SCN7A: variants seen among roughly 807,000 people sequenced by gnomAD.
SCN7A encodes sodium voltage-gated channel alpha subunit 7.
A neutral mutation model predicts 155.2 loss-of-function variants in SCN7A; 138 were observed. The ratio of observed to expected loss-of-function variants is 0.89; its 90% CI spans 0.77 to 1.02. The LOEUF (loss-of-function observed/expected upper bound fraction) is 1.02. SCN7A is among the 50% of genes least tolerant of loss of function. SCN7A has a pLI of 0.00. For synonymous variants in SCN7A, 693 were observed against 649.0 expected (o/e 1.07, Z -1.03); for missense variants, 2,058 against 1,986.6 (o/e 1.04, Z -0.68).
In SCN7A at chr2:166,465,991, G is replaced by A. The variant is rs777987127; in HGVS notation, c.665-4C>T. 7 of 1,599,840 alleles carry A rather than the reference G, an allele frequency of 4.4e-6. No individual in the cohort carries two copies. Among genetic ancestry groups the A allele is most frequent in the South Asian group, 1.1e-5 (1 of 89,728 alleles). Reference sequence around the variant, plus strand: ...ACCCCTACAAGGGATTTCAGACCTGGAAAGAGAAACATTTGTTTTCGAAAT... The same window carrying A: ...ACCCCTACAAGGGATTTCAGACCTGAAAAGAGAAACATTTGTTTTCGAAAT... On this transcript the variant is annotated splice_polypyrimidine_tract_variant and splice_region_variant and intron_variant, in intron 7 of 25. Transcript: ENST00000643258.
At chr2:166,454,622 C>A (rs978974301) in intron 11 of SCN7A, among the ~76,000 whole-genome samples, 8 of 152,164 alleles carry the variant, frequency 5.3e-5, no homozygotes, top group African/African-American at 1.9e-4. Flanking sequence ...CGGCCCTTCA[C>A]TTTTCCCCTT....
intron 18 of SCN7A, among the ~76,000 whole-genome samples, chr2:166,426,811 A>G (rs1032537327): frequency 2.6e-5 from 4 of 152,050 alleles, no homozygotes; most frequent in Admixed American, 2.6e-4. Context: ...TGTGAAAATC[A>G]TTCCTGCTGC....
intron 15 of SCN7A, among the ~76,000 whole-genome samples, chr2:166,434,285 A>C (rs1701793736): frequency 1.3e-5 from 2 of 152,146 alleles, no homozygotes; most frequent in South Asian, 4.1e-4. Flanking sequence ...TGTATAGAAA[A>C]ATCAAAGTAT....
In SCN7A at chr2:166,414,230, ATATC is replaced by A. The variant is rs1460270080; in HGVS notation, c.3415-1113_3415-1110del. Among the ~76,000 whole-genome samples, 8 of 95,750 alleles carry A rather than the reference ATATC, an allele frequency of 8.4e-5. 1 individual carries two copies. The East Asian group carries it at 1.7e-3, about 21-fold the overall frequency. 62.8% of individuals were successfully genotyped at this position (95,750 alleles called of 152,430 possible). A position where few individuals can be genotyped will look rare whatever the true frequency, so the allele number is the denominator to read the frequency against. On this transcript the variant is annotated intron_variant, in intron 21 of 25. Coordinates refer to ENST00000643258, the MANE Select transcript of SCN7A (RefSeq NM_002976.4). ...TATATGTAAATATATATAAATATATATATCTATATATGTAAATATATATAGATAT... is the reference window on the plus strand; with the variant it reads ...TATATGTAAATATATATAAATATATATATATATGTAAATATATATAGATAT...
intron 3 of SCN7A, among the ~76,000 whole-genome samples, chr2:166,477,173 T>C (rs1377045225): frequency 1.3e-5 from 2 of 151,926 alleles, no homozygotes; most frequent in Non-Finnish European, 2.9e-5. Flanking sequence ...AAATGGACAA[T>C]CATCATGTTC....
intron 10 of SCN7A, among the ~76,000 whole-genome samples, chr2:166,457,291 G>T (rs2105466800): frequency 6.6e-6 from 1 of 152,304 alleles, no homozygotes; most frequent in South Asian, 2.1e-4. Flanking sequence ...AATATATGCT[G>T]TAAAACCAAG....
At position 166,465,854 on chromosome 2, in the gene SCN7A, T is replaced by C; in HGVS notation, c.798A>G (p.Lys266=). Residue 266 remains lysine, a synonymous_variant, in exon 8 of 26, where the codon AAA becomes AAG. Transcript: ENST00000643258. The part of the protein sequence containing the change: ...MGLFMGNLKH[K]CFRWPQENEN... ...CATTCTCTTGGGGCCATCGAAAACATTTATGTTTCAAGTTGCCCATGAAGA... is the reference window on the plus strand; with the variant it reads ...CATTCTCTTGGGGCCATCGAAAACACTTATGTTTCAAGTTGCCCATGAAGA... 1 of 1,613,916 alleles carries C rather than the reference T, an allele frequency of 6.2e-7. No homozygotes were observed. Among genetic ancestry groups the C allele is most frequent in the Non-Finnish European group, 8.5e-7 (1 of 1,179,864 alleles).
At chr2:166,461,695 G>A (rs907834858) in intron 10 of SCN7A, 7 of 151,994 alleles carry the variant, frequency 4.6e-5, no homozygotes, top group Non-Finnish European at 8.8e-5. Context: ...AATATCATAG[G>A]CTTTGAAACA....
chr2:166,472,243 A>G, intron 6 of SCN7A, 74 bp downstream of exon 6: 1 of 1,416,512 alleles, frequency 7.1e-7, no homozygotes, highest in Non-Finnish European at 9.4e-7. Flanking sequence ...ATCTTTGCAG[A>G]CGTCAATTAT....
chr2:166,473,861 A>C lies in SCN7A; in HGVS notation c.381T>G (p.Ser127Arg). ...HPFFQLFILI[S>R]VLIDCVFMSL... Reference sequence around the variant, plus strand: ...ACATGAATACGCAATCAATCAGGACACTAATTAGAATAAACAGTTGGAAAA... The same window carrying C: ...ACATGAATACGCAATCAATCAGGACCCTAATTAGAATAAACAGTTGGAAAA... Residue 127 changes from serine (S) to arginine (R), a missense_variant, in exon 5 of 26, where the codon AGT becomes AGG. Transcript: ENST00000643258. The C allele has an allele frequency of 6.4e-7, 1 of 1,567,770 alleles. No homozygotes were observed. Among genetic ancestry groups the C allele is most frequent in the African/African-American group, 1.4e-5 (1 of 73,766 alleles).
chr2:166,430,907 A>G (rs963031489), intron 16 of SCN7A, among the ~76,000 whole-genome samples: 1 of 152,058 alleles, frequency 6.6e-6, no homozygotes, highest in African/African-American at 2.4e-5. Flanking sequence ...TAATCTAGAA[A>G]GCATCTAACT....
intron 25 of SCN7A, among the ~76,000 whole-genome samples, chr2:166,407,725 A>G (rs772903003): frequency 2.2e-4 from 33 of 151,672 alleles, no homozygotes; most frequent in Non-Finnish European, 2.5e-4. Flanking sequence ...TTTGGGGGGA[A>G]GTTCTTTTTT....
At chr2:166,473,681 AATTT>A (rs1265190621) in intron 5 of SCN7A, 114 bp downstream of exon 5, 4 of 255,440 alleles carry the variant, frequency 1.6e-5, no homozygotes, top group South Asian at 3.1e-4. Context: ...ACAAATATTA[AATTT>A]ATTATAATAT....
chr2:166,419,056 T>A (rs1174702214), intron 20 of SCN7A, among the ~76,000 whole-genome samples: 2 of 152,132 alleles, frequency 1.3e-5, no homozygotes, highest in African/African-American at 2.4e-5. Context: ...AGGGCCTAAT[T>A]TCTGACAGAG....
chr2:166,471,216 T>C (rs1480080556), intron 6 of SCN7A, among the ~76,000 whole-genome samples: 3 of 151,882 alleles, frequency 2.0e-5, no homozygotes, highest in African/African-American at 2.4e-5. Flanking sequence ...AGACTGCTTG[T>C]GTAGAAATCC....
intron 12 of SCN7A, among the ~76,000 whole-genome samples, chr2:166,447,273 T>C (rs1702084516): frequency 6.6e-6 from 1 of 152,206 alleles, no homozygotes; most frequent in African/African-American, 2.4e-5. Flanking sequence ...TGATAAATAA[T>C]TATTGGTTAC....
chr2:166,470,776 G>T lies in SCN7A; in HGVS notation c.573-70C>A. The T allele has an allele frequency of 2.2e-6, 3 of 1,366,638 alleles. No individual in the cohort carries two copies. The South Asian group carries it at 4.5e-5, about 20-fold the overall frequency. 84.7% of individuals were successfully genotyped at this position (1,366,638 alleles called of 1,614,324 possible). A position where few individuals can be genotyped will look rare whatever the true frequency, so the allele number is the denominator to read the frequency against. On this transcript the variant is annotated intron_variant, in intron 6 of 25. Coordinates refer to ENST00000643258, the MANE Select transcript of SCN7A (RefSeq NM_002976.4). Reference sequence around the variant, plus strand: ...TGCTACTTATTCTTGGCTTTTTATGGTTATTGAAACTTATTTTTAAAACCA... The same window carrying T: ...TGCTACTTATTCTTGGCTTTTTATGTTTATTGAAACTTATTTTTAAAACCA...
At chr2:166,428,091 A>C in intron 17 of SCN7A, 149 bp from the exon 18 acceptor site, 1 of 850,552 alleles carries the variant, frequency 1.2e-6, no homozygotes, top group Non-Finnish European at 1.8e-6. Context: ...ATTTTTACCC[A>C]TGGTGTAGTG....
In SCN7A at chr2:166,432,370, T is replaced by G; in HGVS notation, c.2540A>C (p.Asn847Thr). The G allele has an allele frequency of 6.2e-7, 1 of 1,612,784 alleles. No homozygotes were observed. Among genetic ancestry groups the G allele is most frequent in the Non-Finnish European group, 8.5e-7 (1 of 1,179,402 alleles). The change falls in exon 16 of 26, where the codon AAT becomes ACT. Residue 847 changes from asparagine to threonine, a missense_variant. By Grantham distance (65) the Asn-to-Thr change is moderately conservative. Transcript: ENST00000643258. ...ACTCTGAATCTCCTTATTATCCAGA[T>G]TTTCTATATCAGATTCTCCTGAAGC... ...PIASGESDIE[N>T]LDNKEIQSKS... is the part of the protein sequence containing the mutation.
Sources: allele counts gnomAD v4.1 joint callset (sites outside exome capture counted in the v4.1 genomes callset), GRCh38; gene constraint gnomAD v4.1.1; transcripts MANE v1.5; gene names NCBI Gene and HGNC (gene_info 2026-07-23, HGNC 2026-07-21).